TMEM131L: variants seen among roughly 807,000 people sequenced by gnomAD.
TMEM131L encodes transmembrane 131 like.
TMEM131L carries 54 observed loss-of-function variants against 192.2 expected under a neutral mutation model. The ratio of observed to expected loss-of-function variants is 0.28; its 90% CI spans 0.23 to 0.35. The LOEUF is 0.35. Among genes scored for constraint, TMEM131L ranks in the 10% least tolerant of loss-of-function variants. TMEM131L has a pLI of 1.00. For synonymous variants in TMEM131L, 701 were observed against 704.9 expected, an observed-to-expected ratio of 0.99 and a Z score of 0.09; for missense variants, 1,888 against 1,972.9, an observed-to-expected ratio of 0.96 and a Z score of 0.82.
intron 3 of TMEM131L, among the ~76,000 whole-genome samples, chr4:153,512,760 C>T (rs185249565): frequency 2.0e-5 from 3 of 152,172 alleles, no homozygotes; most frequent in Non-Finnish European, 2.9e-5. Context: ...ACTACAGGCT[C>T]GAGCCACCAA....
intron 13 of TMEM131L, 72 bp from the exon 14 acceptor site, chr4:153,586,137 T>C: frequency 8.9e-7 from 1 of 1,117,526 alleles, no homozygotes; most frequent in South Asian, 1.8e-5. Context: ...AATGTTAGCA[T>C]CATACTTTAT....
intron 3 of TMEM131L, among the ~76,000 whole-genome samples, chr4:153,481,147 CTT>C (rs1261253326): frequency 6.6e-6 from 1 of 152,000 alleles, no homozygotes; most frequent in Non-Finnish European, 1.5e-5. Context: ...CCTGGGCTCT[CTT>C]TTTTTGCCAA....
In TMEM131L at chr4:153,602,268, T is replaced by G. The variant is rs1561232224; in HGVS notation, c.2383T>G (p.Tyr795Asp). ...AATTAATGGGTATAACTGCCAAGGTTATGGATTCGAGGTGCTGGATTGTCA... is the reference window on the plus strand; with the variant it reads ...AATTAATGGGTATAACTGCCAAGGTGATGGATTCGAGGTGCTGGATTGTCA... ...LKINGYNCQG[Y>D]GFEVLDCHQF... Residue 795 changes from tyrosine (Y) to aspartate (D), a missense_variant, in exon 22 of 35, where the codon TAT becomes GAT. Transcript: ENST00000409959. The G allele has an allele frequency of 3.1e-6, 5 of 1,613,874 alleles. No homozygotes were observed. Among genetic ancestry groups the G allele is most frequent in the Non-Finnish European group, 4.2e-6 (5 of 1,179,952 alleles).
chr4:153,593,492 A>T (rs190270066), intron 18 of TMEM131L, among the ~76,000 whole-genome samples: 148 of 152,168 alleles, frequency 9.7e-4, no homozygotes, highest in African/African-American at 3.5e-3. Context: ...TTTTTCAAAA[A>T]AGTTGCTTTA....
intron 26 of TMEM131L, among the ~76,000 whole-genome samples, chr4:153,618,297 A>G (rs941089157): frequency 3.9e-5 from 6 of 151,922 alleles, no homozygotes; most frequent in Admixed American, 2.0e-4. Flanking sequence ...CAACACAGCA[A>G]GACCCCATCT....
At chr4:153,538,413 C>T (rs1160529679) in intron 3 of TMEM131L, among the ~76,000 whole-genome samples, 1 of 152,228 alleles carries the variant, frequency 6.6e-6, no homozygotes, top group South Asian at 2.1e-4. Flanking sequence ...GGGCCAAAGC[C>T]ACCCTAGGCC....
chr4:153,536,752 T>G (rs768750292), intron 3 of TMEM131L, among the ~76,000 whole-genome samples: 2 of 144,524 alleles, frequency 1.4e-5, no homozygotes, highest in African/African-American at 2.5e-5. Context: ...TCTATGTATA[T>G]ATATAAAGGG....
chr4:153,510,497 G>A (rs1270585767), intron 3 of TMEM131L, among the ~76,000 whole-genome samples: 1 of 152,094 alleles, frequency 6.6e-6, no homozygotes, highest in African/African-American at 2.4e-5. Context: ...CAAGTAGGGG[G>A]ATAATTAAAA....
chr4:153,543,174 A>G (rs1201380242), intron 3 of TMEM131L, among the ~76,000 whole-genome samples: 1 of 152,168 alleles, frequency 6.6e-6, no homozygotes, highest in East Asian at 1.9e-4. Context: ...CTACCAAAAA[A>G]CTTTTTCTTA....
intron 3 of TMEM131L, among the ~76,000 whole-genome samples, chr4:153,510,906 GA>G (rs886765262): frequency 1.3e-5 from 2 of 151,308 alleles, no homozygotes; most frequent in African/African-American, 4.9e-5. Flanking sequence ...AACAAGAAAA[GA>G]AAAAAACCGG....
In TMEM131L at chr4:153,604,048, C is replaced by G; in HGVS notation, c.3036C>G (p.Ser1012Arg). The change falls in exon 25 of 35, where the codon AGC becomes AGG. Residue 1012 changes from serine (S) to arginine (R), a missense_variant. Transcript: ENST00000409959. ...AAAAACAGACTTCACCCCTGGGCAG[C>G]TCACTGCCTGCTGCTAAAGAGGACA... is the stretch of plus-strand genomic sequence containing the variant. The part of the protein sequence containing the change: ...TEEKQTSPLG[S>R]SLPAAKEDIC... 1 of 1,614,208 alleles carries G rather than the reference C, an allele frequency of 6.2e-7. No individual in the cohort carries two copies. Among genetic ancestry groups the G allele is most frequent in the Non-Finnish European group, 8.5e-7 (1 of 1,180,044 alleles).
chr4:153,576,801 G>A (rs756884387), intron 7 of TMEM131L, among the ~76,000 whole-genome samples: 2 of 150,522 alleles, frequency 1.3e-5, no homozygotes, highest in Non-Finnish European at 3.0e-5. Context: ...CTTTTATTTT[G>A]TAGGCACCGT....
At chr4:153,608,781 A>C (rs1394906035) in intron 25 of TMEM131L, among the ~76,000 whole-genome samples, 4 of 152,218 alleles carry the variant, frequency 2.6e-5, no homozygotes, top group Non-Finnish European at 2.9e-5. Context: ...AGACAGTACA[A>C]CTTTAAGCAG....
intron 19 of TMEM131L, 89 bp from the exon 20 acceptor site, chr4:153,596,169 G>A: frequency 1.4e-6 from 2 of 1,444,026 alleles, no homozygotes; most frequent in South Asian, 2.4e-5. Context: ...TAAAAGAGAA[G>A]CAATCGTGTT....
In TMEM131L at chr4:153,574,421, A is replaced by G. The variant is rs77362328; in HGVS notation, c.661-6405A>G. 4.4e-3 allele frequency among the ~76,000 whole-genome samples: 663 copies of G among 152,308 alleles called. 4 individuals are homozygous for G. The highest frequency in any genetic ancestry group is 0.014 in the African/African-American group (602 of 41,552). ...AGCTGAGCCTGCTGTTATGCAGGAA[A>G]CACTAAATTAGGAGTGTGGTTATAG... On this transcript the variant is annotated intron_variant, in intron 7 of 34. Coordinates refer to ENST00000409959, the MANE Select transcript of TMEM131L (RefSeq NM_001131007.2).
At chr4:153,558,407 C>T in intron 7 of TMEM131L, 39 bp downstream of exon 7, 1 of 1,271,648 alleles carries the variant, frequency 7.9e-7, no homozygotes, top group Non-Finnish European at 1.1e-6. Flanking sequence ...TGGTGGCCAC[C>T]AAACTTTGTA....
intron 13 of TMEM131L, among the ~76,000 whole-genome samples, chr4:153,585,920 T>TA (rs1011167726): frequency 2.0e-5 from 3 of 152,164 alleles, no homozygotes; most frequent in African/African-American, 7.2e-5. Context: ...TGTATTGTTC[T>TA]AAAAAGATTA....
At chr4:153,523,625 G>A (rs75430984) in intron 3 of TMEM131L, among the ~76,000 whole-genome samples, 3,181 of 152,226 alleles carry the variant, frequency 0.021, 108 homozygotes, top group African/African-American at 0.073. Context: ...TTTGAAGAGG[G>A]TGCTAATGGG....
At chr4:153,547,670 G>A (rs901295220) in intron 3 of TMEM131L, among the ~76,000 whole-genome samples, 2 of 152,240 alleles carry the variant, frequency 1.3e-5, no homozygotes, top group South Asian at 2.1e-4. Flanking sequence ...GGGCTGGAAG[G>A]TGATGGCCAT....
Sources: allele counts gnomAD v4.1 joint callset (sites outside exome capture counted in the v4.1 genomes callset), GRCh38; gene constraint gnomAD v4.1.1; transcripts MANE v1.5; gene names NCBI Gene and HGNC (gene_info 2026-07-23, HGNC 2026-07-21).